Variants in SFMBT1 observed in about 807,000 individuals in gnomAD.
SFMBT1 encodes scm-like with four MBT domains protein 1.
A neutral mutation model predicts 108.7 loss-of-function variants in SFMBT1; 32 were observed. The observed-to-expected ratio is 0.29, with a 90% CI of 0.22 to 0.40. The LOEUF (loss-of-function observed/expected upper bound fraction) is 0.40. Ranked by LOEUF, SFMBT1 falls within the 10% of genes least tolerant of loss-of-function variation. The pLI is 1.00. For synonymous variants in SFMBT1, 348 were observed against 369.5 expected (o/e 0.94, Z 0.67); for missense variants, 816 against 1,059.6 (o/e 0.77, Z 3.19).
chr3:53,002,114 A>G (rs1375218753), intron 1 of SFMBT1, among the ~76,000 whole-genome samples: 1 of 150,208 alleles, frequency 6.7e-6, no homozygotes, highest in Non-Finnish European at 1.5e-5. Flanking sequence ...GAAATCATCC[A>G]GCCCAGTTGG....
chr3:52,951,422 T>G (rs952288002), intron 3 of SFMBT1, among the ~76,000 whole-genome samples: 2 of 151,508 alleles, frequency 1.3e-5, no homozygotes, highest in Non-Finnish European at 2.9e-5. Context: ...GAAATTCTTT[T>G]TTTTTTTTTT....
intron 1 of SFMBT1, chr3:53,045,189 C>G (rs2106986878): frequency 6.6e-6 from 1 of 150,630 alleles, no homozygotes; most frequent in East Asian, 2.0e-4. Context: ...GGCCCGCTCA[C>G]TTCACAACGG....
chr3:53,014,845 G>C (rs1699072587), intron 1 of SFMBT1, among the ~76,000 whole-genome samples: 1 of 152,118 alleles, frequency 6.6e-6, no homozygotes, highest in Admixed American at 6.6e-5. Context: ...TATGAATCTG[G>C]AGGACCCCCA....
intron 10 of SFMBT1, among the ~76,000 whole-genome samples, chr3:52,922,642 G>A (rs1357499690): frequency 6.6e-6 from 1 of 152,202 alleles, no homozygotes; most frequent in East Asian, 1.9e-4. Context: ...AGGTAGAGGA[G>A]ACAGTCAAAA....
intron 1 of SFMBT1, among the ~76,000 whole-genome samples, chr3:52,970,141 A>C (rs576940195): frequency 3.9e-5 from 6 of 152,174 alleles, no homozygotes; most frequent in Non-Finnish European, 7.4e-5. Context: ...TTGGGATATA[A>C]GCCACATACC....
intron 5 of SFMBT1, among the ~76,000 whole-genome samples, chr3:52,932,972 G>T (rs1449599304): frequency 6.6e-6 from 1 of 151,998 alleles, no homozygotes; most frequent in Non-Finnish European, 1.5e-5. Context: ...TCATTAAAGA[G>T]AAAAAATCAA....
intron 4 of SFMBT1, among the ~76,000 whole-genome samples, chr3:52,936,771 TC>T (rs1703020284): frequency 6.6e-6 from 1 of 152,172 alleles, no homozygotes; most frequent in African/African-American, 2.4e-5. Context: ...CATTTCTTCT[TC>T]TTCTTACATC....
intron 2 of SFMBT1, among the ~76,000 whole-genome samples, chr3:52,960,460 T>G (rs1356925322): frequency 6.6e-6 from 1 of 152,164 alleles, no homozygotes; most frequent in Non-Finnish European, 1.5e-5. Context: ...TTCACACATA[T>G]TAGAATAACT....
intron 1 of SFMBT1, among the ~76,000 whole-genome samples, chr3:52,977,622 A>C (rs1704562126): frequency 6.6e-6 from 1 of 152,228 alleles, no homozygotes; most frequent in Non-Finnish European, 1.5e-5. Context: ...AGTAAGCATA[A>C]AGTTCATGCT....
At chr3:52,983,089 C>T (rs1004165891) in intron 1 of SFMBT1, among the ~76,000 whole-genome samples, 1 of 152,142 alleles carries the variant, frequency 6.6e-6, no homozygotes, top group Non-Finnish European at 1.5e-5. Flanking sequence ...AGTTACACCA[C>T]GTGTACCTGC....
At chr3:52,971,953 A>G (rs1704361812) in intron 1 of SFMBT1, among the ~76,000 whole-genome samples, 1 of 152,228 alleles carries the variant, frequency 6.6e-6, no homozygotes, top group Non-Finnish European at 1.5e-5. Context: ...GGATAACAGC[A>G]ATTAATATTT....
chr3:53,031,631 T>A (rs1033134526), intron 1 of SFMBT1, among the ~76,000 whole-genome samples: 35 of 147,402 alleles, frequency 2.4e-4, no homozygotes, highest in Admixed American at 1.8e-3. Flanking sequence ...AGGAAAAAAA[T>A]ATTTCTTAAT....
intron 1 of SFMBT1, among the ~76,000 whole-genome samples, chr3:53,026,466 T>C (rs1336129011): frequency 6.6e-6 from 1 of 152,218 alleles, no homozygotes; most frequent in African/African-American, 2.4e-5. Context: ...AAGTCTTCCT[T>C]AGCAATTAAA....
intron 1 of SFMBT1, among the ~76,000 whole-genome samples, chr3:52,983,084 C>T (rs886938839): frequency 2.6e-5 from 4 of 152,270 alleles, no homozygotes; most frequent in South Asian, 2.1e-4. Context: ...TGAAAAGTTA[C>T]ACCACGTGTA....
At chr3:53,032,950 C>T (rs1699735814) in intron 1 of SFMBT1, among the ~76,000 whole-genome samples, 2 of 152,120 alleles carry the variant, frequency 1.3e-5, no homozygotes, top group African/African-American at 4.8e-5. Context: ...AGAACATTCC[C>T]CCCACACCTA....
chr3:52,964,002 C>G (rs965577368), intron 2 of SFMBT1, among the ~76,000 whole-genome samples: 1 of 151,992 alleles, frequency 6.6e-6, no homozygotes, highest in East Asian at 1.9e-4. Context: ...CTTTGTAACC[C>G]TGTTTTATTT....
At chr3:52,969,536 T>C (rs571039663) in intron 1 of SFMBT1, among the ~76,000 whole-genome samples, 6 of 152,306 alleles carry the variant, frequency 3.9e-5, no homozygotes, top group African/African-American at 1.4e-4. Flanking sequence ...ATATGAATCA[T>C]TACCCTTTAA....
chr3:52,946,545 C>A (rs1703373032), intron 3 of SFMBT1, among the ~76,000 whole-genome samples: 1 of 152,178 alleles, frequency 6.6e-6, no homozygotes, highest in Non-Finnish European at 1.5e-5. Context: ...GTGTAGTATT[C>A]CACTATATGA....
chr3:52,997,453 G>A (rs189432564), intron 1 of SFMBT1, among the ~76,000 whole-genome samples: 17 of 147,968 alleles, frequency 1.1e-4, no homozygotes, highest in African/African-American at 3.4e-4. Context: ...GGAGAATGGC[G>A]TGAACCCAGA....
Sources: allele counts gnomAD v4.1 joint callset (sites outside exome capture counted in the v4.1 genomes callset), GRCh38; gene constraint gnomAD v4.1.1; transcripts MANE v1.5; gene names NCBI Gene and HGNC (gene_info 2026-07-23, HGNC 2026-07-21).